The following MBTPS1 variants were observed in gnomAD, a reference collection of about 807,000 sequenced individuals.
The protein encoded by MBTPS1 is membrane bound transcription factor peptidase, site 1, also known as membrane-bound transcription factor site-1 protease.
MBTPS1 carries 94 observed loss-of-function variants against 127.8 expected under a neutral mutation model. That is an observed-to-expected ratio of 0.74 (90% CI 0.62 to 0.87). The LOEUF is 0.87. MBTPS1 is among the 40% of genes least tolerant of loss of function. The pLI is 0.00. For missense variants in MBTPS1, 1,636 were observed against 1,353.2 expected (o/e 1.21, Z -3.28); for synonymous variants, 632 against 509.4 (o/e 1.24, Z -3.24).
intron 14 of MBTPS1, among the ~76,000 whole-genome samples, chr16:84,069,575 G>C (rs2085740297): frequency 6.6e-6 from 1 of 152,210 alleles, no homozygotes. Flanking sequence ...AGAGATGGAA[G>C]GATCCAGGAT....
intron 8 of MBTPS1, 87 bp downstream of exon 8, chr16:84,090,788 C>A (rs749481402): frequency 1.3e-5 from 12 of 929,638 alleles, no homozygotes; most frequent in Non-Finnish European, 1.9e-5. Flanking sequence ...AACAAGTAAC[C>A]ATAGGTAGAT....
At position 84,058,247 on chromosome 16, in the gene MBTPS1, G is replaced by A. The variant is rs548437369; in HGVS notation, c.2831+1055C>T. ...AGTGCGTGGTGTGTTCAGCACTTTCGGTTTATGATGAGGAGTAAAGGCGGA... is the reference window on the plus strand; with the variant it reads ...AGTGCGTGGTGTGTTCAGCACTTTCAGTTTATGATGAGGAGTAAAGGCGGA... On this transcript the variant is annotated intron_variant, in intron 21 of 22. Transcript: ENST00000343411. Among the ~76,000 whole-genome samples the A allele has an allele frequency of 7.2e-5, 11 of 152,318 alleles. No homozygotes were observed. The South Asian group carries it at 1.5e-3, about 20-fold the overall frequency.
intron 1 of MBTPS1, among the ~76,000 whole-genome samples, chr16:84,112,913 T>C (rs1453027960): frequency 7.0e-6 from 1 of 142,702 alleles, no homozygotes; most frequent in African/African-American, 2.6e-5. Flanking sequence ...AGACAGAGGT[T>C]GCAGTGAGCT....
At chr16:84,087,888 T>C (rs978204490) in intron 8 of MBTPS1, among the ~76,000 whole-genome samples, 13 of 152,208 alleles carry the variant, frequency 8.5e-5, no homozygotes, top group African/African-American at 2.7e-4. Flanking sequence ...CCCAGCTAAA[T>C]CACACACTTC....
chr16:84,116,078 G>A (rs975995184), intron 1 of MBTPS1, among the ~76,000 whole-genome samples: 3 of 152,168 alleles, frequency 2.0e-5, no homozygotes, highest in Admixed American at 1.3e-4. Context: ...AGAATTCAAC[G>A]CAGGTCGTAT....
At chr16:84,093,041 C>T in intron 6 of MBTPS1, 147 bp downstream of exon 6, 1 of 652,318 alleles carries the variant, frequency 1.5e-6, no homozygotes, top group Non-Finnish European at 2.8e-6. Flanking sequence ...GGCAGAGGAA[C>T]AGTAAACTGA....
Position 84,116,915 on chromosome 16 carries a change from G to A in MBTPS1, c.-505C>T, listed in dbSNP as rs1267376002. The A allele has an allele frequency of 6.6e-6, 1 of 152,390 alleles. No individual in the cohort carries two copies. Among genetic ancestry groups the A allele is most frequent in the Non-Finnish European group, 1.5e-5 (1 of 68,052 alleles). The allele number at this position is 152,390 out of a possible 1,614,324, so 9.4% of individuals were successfully genotyped here. Reference sequence around the variant, plus strand: ...CGACCCAGCGTGCCCTGTCTGTCCCGCGCTCCCGGGGCTTGCGTGCGCGCT... The same window carrying A: ...CGACCCAGCGTGCCCTGTCTGTCCCACGCTCCCGGGGCTTGCGTGCGCGCT... On this transcript the variant is annotated 5_prime_UTR_variant, in exon 1 of 23. Coordinates refer to ENST00000343411, the MANE Select transcript of MBTPS1 (RefSeq NM_003791.4).
chr16:84,090,262 G>A lies in MBTPS1; in HGVS notation c.1031+613C>T, dbSNP rs188572178. 6.8e-4 allele frequency among the ~76,000 whole-genome samples: 103 copies of A among 152,322 alleles called. 1 individual carries two copies. The highest frequency in any genetic ancestry group is 2.2e-3 in the African/African-American group (91 of 41,574). On this transcript the variant is annotated intron_variant, in intron 8 of 22. Transcript: ENST00000343411. ...CTGAGACCTCTAACCAGACAGGAGC[G>A]TACTGGCTGGGATTCAGTGGCAAAT...
In MBTPS1 at chr16:84,095,774, C is replaced by A; in HGVS notation, c.453G>T (p.Arg151=). ...SDPTVPCNET[R]WSQKWQSSRP... ...GTGATGATTGCCACTTCTGGCTCCA[C>A]CGGGTTTCATTGCAGGGTACTGTGG... The change falls in exon 4 of 23, where the codon CGG becomes CGT. Residue 151 remains arginine (R), a synonymous_variant. Coordinates refer to ENST00000343411, the MANE Select transcript of MBTPS1 (RefSeq NM_003791.4). 6.2e-7 allele frequency: 1 copy of A among 1,614,038 alleles called. No individual in the cohort carries two copies. The highest frequency in any genetic ancestry group is 1.1e-5 in the South Asian group (1 of 91,076).
chr16:84,113,690 G>T (rs1429326456), intron 1 of MBTPS1, among the ~76,000 whole-genome samples: 1 of 152,172 alleles, frequency 6.6e-6, no homozygotes, highest in African/African-American at 2.4e-5. Context: ...CATAATTTAG[G>T]TGAGTGAAAA....
At chr16:84,066,745 A>C (rs756430002) in intron 16 of MBTPS1, 132 bp from the exon 17 acceptor site, 32 of 886,416 alleles carry the variant, frequency 3.6e-5, no homozygotes, top group Admixed American at 5.4e-5. Context: ...TTCAACTGAA[A>C]CCAACTGTCT....
chr16:84,114,125 C>T (rs1045974043), intron 1 of MBTPS1, among the ~76,000 whole-genome samples: 14 of 73,206 alleles, frequency 1.9e-4, no homozygotes, highest in Non-Finnish European at 2.4e-4. Flanking sequence ...CCACCACGCC[C>T]GGCTAATTTT....
chr16:84,105,437 C>A (rs1271628592), intron 1 of MBTPS1, among the ~76,000 whole-genome samples: 2 of 152,096 alleles, frequency 1.3e-5, no homozygotes, highest in Non-Finnish European at 2.9e-5. Context: ...GCTGAACTGA[C>A]ACACAGTTCT....
Position 84,059,518 on chromosome 16 carries a change from T to C in MBTPS1, c.2705-90A>G. 3.2e-6 allele frequency: 4 copies of C among 1,259,890 alleles called. No individual in the cohort carries two copies. In the South Asian group the frequency reaches 5.5e-5, roughly 17 times the overall value. 78.0% of individuals were successfully genotyped at this position (1,259,890 alleles called of 1,614,324 possible). ...AGGAGGGCCTTATTATGAGTCTGTC[T>C]GCTTTCCCACAACACAGCACAGAGC... On this transcript the variant is annotated intron_variant, in intron 20 of 22. Transcript: ENST00000343411.
At chr16:84,087,637 C>G (rs1205798005) in intron 8 of MBTPS1, among the ~76,000 whole-genome samples, 177 bp from the exon 9 acceptor site, 1 of 152,122 alleles carries the variant, frequency 6.6e-6, no homozygotes, top group East Asian at 1.9e-4. Flanking sequence ...AACGCATGAT[C>G]CTGCCACGTT....
chr16:84,060,921 G>C lies in MBTPS1; in HGVS notation c.2573-108C>G, dbSNP rs1313659151. 5.6e-6 allele frequency: 6 copies of C among 1,074,082 alleles called. No individual in the cohort carries two copies. In the African/African-American group the frequency reaches 9.5e-5, roughly 17 times the overall value. The allele number at this position is 1,074,082 out of a possible 1,614,324, so 66.5% of individuals were successfully genotyped here. On this transcript the variant is annotated intron_variant, in intron 19 of 22. Transcript: ENST00000343411. Reference sequence around the variant, plus strand: ...CAATCATAGCTCACTGCAGCCTTGAGCTCCTGGGCTCAAGTGATCCTCCTG... The same window carrying C: ...CAATCATAGCTCACTGCAGCCTTGACCTCCTGGGCTCAAGTGATCCTCCTG...
intron 2 of MBTPS1, among the ~76,000 whole-genome samples, chr16:84,099,554 C>G (rs527983202): frequency 1.6e-4 from 25 of 151,850 alleles, no homozygotes; most frequent in Admixed American, 4.6e-4. Context: ...GGGAGGCTGA[C>G]GTGGGCAGAT....
At chr16:84,094,647 A>G (rs1484182312) in intron 4 of MBTPS1, among the ~76,000 whole-genome samples, 1 of 152,260 alleles carries the variant, frequency 6.6e-6, no homozygotes, top group Non-Finnish European at 1.5e-5. Context: ...GATAAATATA[A>G]AAATCAATGC....
At chr16:84,115,595 G>GAAAACATGCTA (rs1193875630) in intron 1 of MBTPS1, among the ~76,000 whole-genome samples, 1 of 152,212 alleles carries the variant, frequency 6.6e-6, no homozygotes, top group Admixed American at 6.5e-5. Flanking sequence ...GATGAACTGT[G>GAAAACATGCTA]AAAACATGCT....
Sources: allele counts gnomAD v4.1 joint callset (sites outside exome capture counted in the v4.1 genomes callset), GRCh38; gene constraint gnomAD v4.1.1; transcripts MANE v1.5; gene names NCBI Gene and HGNC (gene_info 2026-07-23, HGNC 2026-07-21).